Variants in LRRTM4 observed in about 807,000 individuals in gnomAD.
LRRTM4 encodes leucine rich repeat transmembrane neuronal 4, also known as leucine-rich repeat transmembrane neuronal protein 4.
A neutral mutation model predicts 47.6 loss-of-function variants in LRRTM4; 25 were observed. The ratio of observed to expected loss-of-function variants is 0.53; its 90% CI spans 0.38 to 0.73. LRRTM4 has a LOEUF of 0.73. Ranked by LOEUF, LRRTM4 falls within the 30% of genes least tolerant of loss-of-function variation. LRRTM4 has a pLI of 0.00. For synonymous variants in LRRTM4, 311 were observed against 269.5 expected, an observed-to-expected ratio of 1.15 and a Z score of -1.51; for missense variants, 638 against 713.4, an observed-to-expected ratio of 0.89 and a Z score of 1.20.
chr2:77,312,491 A>G (rs1241384551), intron 3 of LRRTM4, among the ~76,000 whole-genome samples: 2 of 152,230 alleles, frequency 1.3e-5, no homozygotes, highest in Non-Finnish European at 1.5e-5. Flanking sequence ...TAAAATTTAA[A>G]GACAAATACA....
intron 3 of LRRTM4, among the ~76,000 whole-genome samples, chr2:76,778,138 G>C (rs1459519158): frequency 2.1e-5 from 3 of 145,114 alleles, no homozygotes; most frequent in Non-Finnish European, 4.6e-5. Flanking sequence ...TAAGCTTTTT[G>C]ATGTGCTGCT....
At chr2:76,790,020 T>G (rs536351400) in intron 3 of LRRTM4, among the ~76,000 whole-genome samples, 2 of 152,172 alleles carry the variant, frequency 1.3e-5, no homozygotes, top group African/African-American at 4.8e-5. Context: ...ACTGTGGGAA[T>G]TGGATAAATG....
chr2:76,841,095 A>C (rs532931346), intron 3 of LRRTM4, among the ~76,000 whole-genome samples: 2 of 150,316 alleles, frequency 1.3e-5, no homozygotes, highest in Non-Finnish European at 2.9e-5. Context: ...CTATGCAGCC[A>C]TAAAAAATGA....
At chr2:76,948,078 A>G (rs1312090637) in intron 3 of LRRTM4, among the ~76,000 whole-genome samples, 2 of 151,896 alleles carry the variant, frequency 1.3e-5, no homozygotes, top group Non-Finnish European at 2.9e-5. Context: ...CTTTGAGTCA[A>G]GAGAGAGATT....
intron 3 of LRRTM4, among the ~76,000 whole-genome samples, chr2:77,267,915 T>C (rs2104061026): frequency 1.3e-5 from 2 of 152,204 alleles, no homozygotes; most frequent in Middle Eastern, 6.8e-3. Context: ...ACACTAAAAA[T>C]GTCCTTATGA....
chr2:77,163,011 G>A (rs1298159835), intron 3 of LRRTM4, among the ~76,000 whole-genome samples: 3 of 151,984 alleles, frequency 2.0e-5, no homozygotes, highest in Non-Finnish European at 4.4e-5. Flanking sequence ...TTAGACAATA[G>A]GTAATAACAA....
intron 3 of LRRTM4, among the ~76,000 whole-genome samples, chr2:76,797,792 CAAAA>C (rs780711233): frequency 6.7e-6 from 1 of 149,754 alleles, no homozygotes; most frequent in Non-Finnish European, 1.5e-5. Flanking sequence ...CAATGGAAAA[CAAAA>C]AAAGGCAGGG....
At chr2:77,095,606 A>C (rs1278802633) in intron 3 of LRRTM4, among the ~76,000 whole-genome samples, 1 of 151,674 alleles carries the variant, frequency 6.6e-6, no homozygotes, top group African/African-American at 2.4e-5. Flanking sequence ...CCCCGGTTCA[A>C]ATGATTCTCG....
chr2:77,118,445 T>C (rs1483885565), intron 3 of LRRTM4, among the ~76,000 whole-genome samples: 1 of 151,952 alleles, frequency 6.6e-6, no homozygotes, highest in Non-Finnish European at 1.5e-5. Context: ...ATTTAAGAGT[T>C]GACGGGGACA....
chr2:77,030,768 C>T (rs1392559144), intron 3 of LRRTM4, among the ~76,000 whole-genome samples: 2 of 152,126 alleles, frequency 1.3e-5, no homozygotes, highest in African/African-American at 2.4e-5. Flanking sequence ...TGATTGCTTG[C>T]TAAAGACTAT....
intron 3 of LRRTM4, among the ~76,000 whole-genome samples, chr2:76,848,156 T>C (rs1043933030): frequency 3.3e-5 from 5 of 152,104 alleles, no homozygotes; most frequent in Admixed American, 1.3e-4. Context: ...AAACAACTTC[T>C]TTCCCCAATA....
chr2:76,798,677 G>A (rs1254247576), intron 3 of LRRTM4, among the ~76,000 whole-genome samples: 1 of 150,144 alleles, frequency 6.7e-6, no homozygotes, highest in Non-Finnish European at 1.5e-5. Flanking sequence ...TTTTTTGAAA[G>A]GATCAACAAA....
At chr2:77,334,563 C>T (rs2104259412) in intron 3 of LRRTM4, among the ~76,000 whole-genome samples, 1 of 152,302 alleles carries the variant, frequency 6.6e-6, no homozygotes, top group East Asian at 1.9e-4. Flanking sequence ...TGACTTACTC[C>T]TCCTTGCCTT....
intron 3 of LRRTM4, among the ~76,000 whole-genome samples, chr2:77,047,220 TACTC>T (rs1349684170): frequency 2.6e-5 from 4 of 152,070 alleles, no homozygotes; most frequent in African/African-American, 9.7e-5. Context: ...AACTGAGCCT[TACTC>T]AGTCATTTCA....
At chr2:76,889,331 C>T (rs868086107) in intron 3 of LRRTM4, among the ~76,000 whole-genome samples, 2 of 152,024 alleles carry the variant, frequency 1.3e-5, no homozygotes, top group Middle Eastern at 3.4e-3. Flanking sequence ...TTGTGAGTTA[C>T]ACATATTTTT....
At chr2:76,811,111 C>G (rs1202334241) in intron 3 of LRRTM4, among the ~76,000 whole-genome samples, 1 of 152,152 alleles carries the variant, frequency 6.6e-6, no homozygotes, top group Admixed American at 6.5e-5. Flanking sequence ...ACTTTAGCCT[C>G]CTCCTTACCT....
intron 3 of LRRTM4, among the ~76,000 whole-genome samples, chr2:76,800,092 G>GA (rs1319063745): frequency 1.3e-5 from 2 of 151,044 alleles, no homozygotes; most frequent in East Asian, 3.9e-4. Context: ...CACAGAATTG[G>GA]AAAAAACTAC....
rs78726774 is a variant in LRRTM4, at chr2:76,948,920, T to G, written c.1552-200004A>C. Among the ~76,000 whole-genome samples, 197 of 151,950 alleles carry G rather than the reference T, an allele frequency of 1.3e-3. 4 individuals are homozygous for G. The East Asian group carries it at 0.032, about 25-fold the overall frequency. ...CATTTGGTGGATTTCATTTAAATAT[T>G]TTACTGATTTTGATAAAGCTATATG... On this transcript the variant is annotated intron_variant, in intron 3 of 3. Transcript: ENST00000409884.
intron 3 of LRRTM4, among the ~76,000 whole-genome samples, chr2:76,804,197 CT>C (rs1488333452): frequency 6.6e-6 from 1 of 152,120 alleles, no homozygotes; most frequent in East Asian, 1.9e-4. Context: ...TTGGGCACCC[CT>C]GACACAGAGT....
Sources: gnomAD v4.1 joint callset for allele counts (sites outside exome capture counted in the v4.1 genomes callset) on GRCh38, gnomAD v4.1.1 for gene constraint, MANE v1.5 for transcripts, NCBI Gene and HGNC (gene_info 2026-07-23, HGNC 2026-07-21) for gene names.